The following STAG1 variants were observed in gnomAD, a reference collection of about 807,000 sequenced individuals.
STAG1 encodes the protein cohesin subunit SA-1.
Under a neutral mutation model 170.9 loss-of-function variants are expected in STAG1, and 26 were observed. That is an observed-to-expected ratio of 0.15 (90% CI 0.11 to 0.21). The LOEUF (loss-of-function observed/expected upper bound fraction) is 0.21, where lower values mean the gene tolerates loss of function less well. Among genes scored for constraint, STAG1 ranks in the 10% least tolerant of loss-of-function variants. The pLI is 1.00. For missense variants in STAG1, 964 were observed against 1,509.5 expected (o/e 0.64, Z 5.99); for synonymous variants, 514 against 497.7 (o/e 1.03, Z -0.44).
intron 5 of STAG1, among the ~76,000 whole-genome samples, chr3:136,548,531 A>G (rs965456198): frequency 3.3e-5 from 5 of 152,130 alleles, no homozygotes; most frequent in Non-Finnish European, 5.9e-5. Flanking sequence ...GTGATTCCAT[A>G]TGAAGTTCAG....
chr3:136,513,820 G>A (rs1485941466), intron 7 of STAG1, among the ~76,000 whole-genome samples: 1 of 151,130 alleles, frequency 6.6e-6, no homozygotes. Flanking sequence ...AAGAAAGAAA[G>A]AAAACAAAAG....
At chr3:136,639,208 G>A (rs952846765) in intron 1 of STAG1, among the ~76,000 whole-genome samples, 2 of 150,920 alleles carry the variant, frequency 1.3e-5, no homozygotes, top group Non-Finnish European at 3.0e-5. Flanking sequence ...AAAGGCCTTG[G>A]AGTCCCAGCT....
intron 5 of STAG1, among the ~76,000 whole-genome samples, chr3:136,564,592 A>C (rs1176791547): frequency 6.6e-6 from 1 of 152,200 alleles, no homozygotes; most frequent in African/African-American, 2.4e-5. Flanking sequence ...TACTGATGTA[A>C]AAGACAGTGT....
intron 7 of STAG1, among the ~76,000 whole-genome samples, chr3:136,505,358 C>T (rs754055189): frequency 2.6e-5 from 4 of 152,134 alleles, no homozygotes; most frequent in Non-Finnish European, 5.9e-5. Context: ...CTGATAGTGT[C>T]GTCTGCAAAT....
intron 9 of STAG1, among the ~76,000 whole-genome samples, chr3:136,495,652 G>A (rs1336299645): frequency 6.8e-6 from 1 of 147,234 alleles, no homozygotes; most frequent in Non-Finnish European, 1.5e-5. Flanking sequence ...GACCAACATG[G>A]TGAAACTCCG....
chr3:136,422,673 T>A (rs1016569896), intron 18 of STAG1, 60 bp from the exon 19 acceptor site: 7 of 1,549,518 alleles, frequency 4.5e-6, no homozygotes, highest in Middle Eastern at 3.8e-4. Flanking sequence ...AATAAAAAAT[T>A]AGCATCTGTC....
intron 9 of STAG1, among the ~76,000 whole-genome samples, chr3:136,487,541 C>T (rs2090041953): frequency 6.6e-6 from 1 of 152,120 alleles, no homozygotes; most frequent in African/African-American, 2.4e-5. Flanking sequence ...CCATGTGGGG[C>T]CAGAGAGCCT....
intron 16 of STAG1, among the ~76,000 whole-genome samples, chr3:136,431,218 T>C (rs1291247406): frequency 6.6e-6 from 1 of 151,756 alleles, no homozygotes; most frequent in Admixed American, 6.6e-5. Context: ...CCTTCTTTTT[T>C]CATTCCTTCT....
At chr3:136,725,796 TTG>T (rs1559975058) in intron 1 of STAG1, among the ~76,000 whole-genome samples, 2 of 152,222 alleles carry the variant, frequency 1.3e-5, no homozygotes, top group South Asian at 4.1e-4. Context: ...TAAAATAGTG[TTG>T]TGTCTTCTAT....
chr3:136,594,503 TCTCA>T (rs760420781), intron 4 of STAG1, among the ~76,000 whole-genome samples: 3 of 152,174 alleles, frequency 2.0e-5, no homozygotes, highest in East Asian at 1.9e-4. Context: ...GACCAAATTG[TCTCA>T]CTAAGTATAC....
chr3:136,447,905 C>T (rs577877548), intron 14 of STAG1, among the ~76,000 whole-genome samples: 2 of 152,268 alleles, frequency 1.3e-5, no homozygotes, highest in African/African-American at 4.8e-5. Context: ...GCATGAGCCA[C>T]CGCGCCTGGC....
intron 6 of STAG1, among the ~76,000 whole-genome samples, chr3:136,532,256 T>C (rs1007322466): frequency 2.0e-5 from 3 of 152,202 alleles, no homozygotes; most frequent in African/African-American, 7.2e-5. Flanking sequence ...ACCTTTTTGA[T>C]GTCTGTTGAC....
chr3:136,343,740 C>A, intron 30 of STAG1, 92 bp downstream of exon 30: 2 of 1,015,066 alleles, frequency 2.0e-6, no homozygotes, highest in Admixed American at 3.1e-5. Context: ...AACTGACCAG[C>A]AATATGTTCT....
chr3:136,565,011 A>AAGGAAGGCAGGCAGGCAGGCAGGCAGGC (rs1207671431), intron 5 of STAG1, among the ~76,000 whole-genome samples: 2 of 45,424 alleles, frequency 4.4e-5, no homozygotes, highest in Non-Finnish European at 8.9e-5. Flanking sequence ...GGAAGGAAGG[A>AAGGAAGGCAGGCAGGCAGGCAGGCAGGC]AGGCAGGCAG....
chr3:136,484,985 C>T (rs2089977401), intron 9 of STAG1, among the ~76,000 whole-genome samples: 1 of 152,202 alleles, frequency 6.6e-6, no homozygotes, highest in Non-Finnish European at 1.5e-5. Flanking sequence ...CTGGCACTCC[C>T]TAGTGAGATG....
At chr3:136,409,057 G>A (rs2087557790) in intron 21 of STAG1, among the ~76,000 whole-genome samples, 1 of 152,062 alleles carries the variant, frequency 6.6e-6, no homozygotes, top group African/African-American at 2.4e-5. Flanking sequence ...CAGAGGTCAG[G>A]AGTTTGAGAC....
chr3:136,498,197 A>G (rs1933226391), intron 9 of STAG1, among the ~76,000 whole-genome samples: 1 of 58,684 alleles, frequency 1.7e-5, no homozygotes. Flanking sequence ...CATCTTAAAA[A>G]AAAAAAAAAA....
At chr3:136,567,354 T>A (rs1704275503) in intron 5 of STAG1, among the ~76,000 whole-genome samples, 2 of 152,176 alleles carry the variant, frequency 1.3e-5, no homozygotes, top group South Asian at 4.1e-4. Flanking sequence ...TCCTCACTCA[T>A]CTCCATGCTC....
At chr3:136,540,318 T>C (rs1173707607) in intron 6 of STAG1, among the ~76,000 whole-genome samples, 1 of 149,530 alleles carries the variant, frequency 6.7e-6, no homozygotes, top group Non-Finnish European at 1.5e-5. Context: ...TACTTTACTA[T>C]CAAACAAAAA....
Sources: gnomAD v4.1 joint callset for allele counts (sites outside exome capture counted in the v4.1 genomes callset) on GRCh38, gnomAD v4.1.1 for gene constraint, MANE v1.5 for transcripts, NCBI Gene and HGNC (gene_info 2026-07-23, HGNC 2026-07-21) for gene names.